Variants in HERC2 observed in about 807,000 individuals in gnomAD.
HERC2 encodes HECT and RLD domain containing E3 ubiquitin protein ligase 2.
Under a neutral mutation model 537.7 loss-of-function variants are expected in HERC2, and 102 were observed. The observed-to-expected ratio is 0.19, with a 90% CI of 0.16 to 0.22. The LOEUF is 0.22. Among genes scored for constraint, HERC2 ranks in the 10% least tolerant of loss-of-function variants. The pLI is 1.00. For synonymous variants in HERC2, 2,224 were observed against 2,466.2 expected (o/e 0.90, Z 2.91); for missense variants, 4,236 against 6,198.2 (o/e 0.68, Z 10.63).
At chr15:28,201,351 C>CT in intron 48 of HERC2, 105 bp downstream of exon 48, 1 of 756,038 alleles carries the variant, frequency 1.3e-6, no homozygotes. Context: ...GGCAGGCTCC[C>CT]TGAGGGCAGG....
intron 2 of HERC2, among the ~76,000 whole-genome samples, chr15:28,303,768 T>C (rs2076699816): frequency 6.6e-6 from 1 of 152,240 alleles, no homozygotes; most frequent in Non-Finnish European, 1.5e-5. Context: ...TCTTTTCACT[T>C]CTTGGGTTAG....
rs749960474 is a variant in HERC2 at position 28,113,045 on chromosome 15, G to A, written c.14232+26C>T. 4 of 1,604,128 alleles carry A rather than the reference G, an allele frequency of 2.5e-6. No homozygotes were observed. The highest frequency in any genetic ancestry group is 2.2e-5 in the East Asian group (1 of 44,658). On this transcript the variant is annotated intron_variant, in intron 92 of 92. Transcript: ENST00000261609. This position sits in a 1 kb window ranked among gnomAD's most constrained non-coding sequence, Gnocchi z 7.0. Reference sequence around the variant, plus strand: ...CACCGTCGGCCGACATCAGCCCAGGGCCGGCAAGCCCAGCCAGGAGCCTAC... The same window carrying A: ...CACCGTCGGCCGACATCAGCCCAGGACCGGCAAGCCCAGCCAGGAGCCTAC...
chr15:28,287,821 T>A (rs1212952189), intron 4 of HERC2, among the ~76,000 whole-genome samples: 5 of 151,478 alleles, frequency 3.3e-5, no homozygotes, highest in African/African-American at 4.9e-5. Flanking sequence ...CCTCCTGGGT[T>A]CACGCCATTC....
chr15:28,139,307 C>T (rs1411501770), intron 78 of HERC2, among the ~76,000 whole-genome samples: 1 of 152,220 alleles, frequency 6.6e-6, no homozygotes, highest in East Asian at 1.9e-4. Context: ...CCTCCACTCT[C>T]TCTTGCTGGT....
rs538369930 is a variant in HERC2 at position 28,268,919 on chromosome 15, C to G, written c.1447-303G>C. ...ACCTCGCTTTAATGAAAACATGCCACGTCCCAATTTGCCACTATCCCCACG... is the reference window on the plus strand; with the variant it reads ...ACCTCGCTTTAATGAAAACATGCCAGGTCCCAATTTGCCACTATCCCCACG... On this transcript the variant is annotated intron_variant, in intron 11 of 92. Coordinates refer to ENST00000261609, the MANE Select transcript of HERC2 (RefSeq NM_004667.6). This position sits in a 1 kb window ranked among gnomAD's most constrained non-coding sequence, Gnocchi z 4.7. 6.6e-6 allele frequency among the ~76,000 whole-genome samples: 1 copy of G among 152,152 alleles called. No individual in the cohort carries two copies. Among genetic ancestry groups the G allele is most frequent in the Non-Finnish European group, 1.5e-5 (1 of 68,022 alleles).
chr15:28,157,302 T>C (rs1893107742), intron 69 of HERC2, among the ~76,000 whole-genome samples: 1 of 152,210 alleles, frequency 6.6e-6, no homozygotes, highest in East Asian at 1.9e-4. Flanking sequence ...TTGATTGGAA[T>C]AGTTTCAGAA....
chr15:28,247,742 TA>T (rs1207338059), intron 21 of HERC2, among the ~76,000 whole-genome samples: 4 of 152,164 alleles, frequency 2.6e-5, no homozygotes, highest in Non-Finnish European at 5.9e-5. Flanking sequence ...ACATGGTTCT[TA>T]ATAGCTTTTC....
chr15:28,135,754 A>T, intron 78 of HERC2, 62 bp from the exon 79 acceptor site: 1 of 1,232,214 alleles, frequency 8.1e-7, no homozygotes, highest in Non-Finnish European at 1.2e-6. Context: ...TAAATTTACT[A>T]ATTCATAAAC....
rs1380640054 is a variant in HERC2 at position 28,122,942 on chromosome 15, T to C, written c.13188+1095A>G. The stretch of plus-strand genomic sequence containing the variant: ...CTTTTTTTCTCCCTACAAAGAAAGG[T>C]TTTTTTCCTCTGTGCTGCCTATTAT... On this transcript the variant is annotated intron_variant, in intron 85 of 92. Coordinates refer to ENST00000261609, the MANE Select transcript of HERC2 (RefSeq NM_004667.6). The surrounding 1 kb of genome is among the most constrained non-coding windows in gnomAD (Gnocchi z 4.1). Among the ~76,000 whole-genome samples the C allele has an allele frequency of 6.6e-6, 1 of 152,066 alleles. No individual in the cohort carries two copies. Among genetic ancestry groups the C allele is most frequent in the African/African-American group, 2.4e-5 (1 of 41,410 alleles).
chr15:28,253,212 C>T (rs191981772), intron 20 of HERC2, among the ~76,000 whole-genome samples: 29 of 152,348 alleles, frequency 1.9e-4, no homozygotes, highest in Non-Finnish European at 3.7e-4. Context: ...AGGTTAGCCT[C>T]TGTTCACAGG....
intron 26 of HERC2, among the ~76,000 whole-genome samples, chr15:28,235,463 A>C (rs1902329195): frequency 6.6e-6 from 1 of 152,180 alleles, no homozygotes; most frequent in Admixed American, 6.5e-5. Flanking sequence ...CACCACAGGC[A>C]GCCCAGCACC....
At chr15:28,275,460 C>G (rs547330107) in intron 5 of HERC2, among the ~76,000 whole-genome samples, 1 of 152,344 alleles carries the variant, frequency 6.6e-6, no homozygotes, top group Admixed American at 6.5e-5. Flanking sequence ...GCGGGTGAAG[C>G]CCTGCGTGCT....
chr15:28,313,330 A>C (rs965938518), intron 2 of HERC2, among the ~76,000 whole-genome samples: 21 of 152,052 alleles, frequency 1.4e-4, no homozygotes, highest in Non-Finnish European at 2.5e-4. Context: ...GGCGCACGCC[A>C]CCACGCCCGG....
At chr15:28,246,662 T>G in intron 22 of HERC2, 80 bp downstream of exon 22, 1 of 1,247,704 alleles carries the variant, frequency 8.0e-7, no homozygotes, top group Non-Finnish European at 1.1e-6. Context: ...AATGCAGGCA[T>G]GCTGATCAGC....
chr15:28,114,528 C>T, intron 90 of HERC2, 84 bp downstream of exon 90: 1 of 1,238,022 alleles, frequency 8.1e-7, no homozygotes, highest in East Asian at 2.3e-5. Flanking sequence ...GTATGACACT[C>T]CTGAAAAACA....
chr15:28,267,226 ACT>A (rs984775561), intron 12 of HERC2, among the ~76,000 whole-genome samples: 1 of 151,942 alleles, frequency 6.6e-6, no homozygotes, highest in African/African-American at 2.4e-5. Context: ...CAGCCCAATG[ACT>A]CTACTCCAGT....
intron 16 of HERC2, among the ~76,000 whole-genome samples, 172 bp from the exon 17 acceptor site, chr15:28,257,433 G>A (rs140659289): frequency 5.5e-5 from 8 of 145,946 alleles, no homozygotes; most frequent in African/African-American, 1.4e-4. Context: ...ATCAGCTTCC[G>A]ATTTTCCCAC....
intron 20 of HERC2, among the ~76,000 whole-genome samples, chr15:28,253,040 G>A (rs1217577116): frequency 6.6e-6 from 1 of 152,208 alleles, no homozygotes; most frequent in East Asian, 1.9e-4. Flanking sequence ...TTCTCTATGT[G>A]TAGAAACTAA....
At chr15:28,232,523 T>C (rs1022667774) in intron 30 of HERC2, among the ~76,000 whole-genome samples, 59 of 150,266 alleles carry the variant, frequency 3.9e-4, no homozygotes, top group African/African-American at 1.4e-3. Context: ...CACTCCAGCC[T>C]GGCGACAAAG....
Sources: gnomAD v4.1 joint callset for allele counts (sites outside exome capture counted in the v4.1 genomes callset) on GRCh38, gnomAD v4.1.1 for gene constraint, Gnocchi (gnomAD v3.1) non-coding constraint, MANE v1.5 for transcripts, NCBI Gene and HGNC (gene_info 2026-07-23, HGNC 2026-07-21) for gene names.